KCNB2: variants seen among roughly 807,000 people sequenced by gnomAD.
The protein encoded by KCNB2 is potassium voltage-gated channel subfamily B member 2.
In KCNB2, 15 loss-of-function variants were observed where a neutral mutation model predicts 61.5. The ratio of observed to expected loss-of-function variants is 0.24; its 90% confidence interval spans 0.16 to 0.38. KCNB2 has a LOEUF of 0.38. Ranked by LOEUF, KCNB2 falls within the 10% of genes least tolerant of loss-of-function variation. The pLI is 1.00. For synonymous variants in KCNB2, 457 were observed against 446.0 expected, an observed-to-expected ratio of 1.02 and a Z score of -0.31; for missense variants, 828 against 1,125.2, an observed-to-expected ratio of 0.74 and a Z score of 3.78.
intron 2 of KCNB2, among the ~76,000 whole-genome samples, chr8:72,696,089 G>T (rs1204618556): frequency 6.6e-6 from 1 of 152,208 alleles, no homozygotes; most frequent in Non-Finnish European, 1.5e-5. Context: ...GTGTAACCTT[G>T]TCAGGAGACG....
chr8:72,910,130 A>G (rs750605515), intron 2 of KCNB2, among the ~76,000 whole-genome samples: 1 of 152,212 alleles, frequency 6.6e-6, no homozygotes. Context: ...TGTACACATT[A>G]CATTGCTAAG....
intron 2 of KCNB2, among the ~76,000 whole-genome samples, chr8:72,694,434 G>T (rs189956449): frequency 2.6e-5 from 4 of 152,224 alleles, no homozygotes; most frequent in Admixed American, 2.6e-4. Context: ...AGAGAAATCT[G>T]CCTTAATCGA....
At chr8:72,700,777 A>G (rs909264815) in intron 2 of KCNB2, among the ~76,000 whole-genome samples, 5 of 152,170 alleles carry the variant, frequency 3.3e-5, no homozygotes, top group Non-Finnish European at 5.9e-5. Flanking sequence ...AAGAAGACAC[A>G]TGTACTCACA....
intron 1 of KCNB2, among the ~76,000 whole-genome samples, chr8:72,561,723 A>ATATC (rs1806522823): frequency 3.1e-5 from 1 of 31,774 alleles, no homozygotes; most frequent in South Asian, 7.7e-4. Context: ...ATATATATAT[A>ATATC]TATATCTATA....
chr8:72,553,074 A>G (rs1806370335), intron 1 of KCNB2, among the ~76,000 whole-genome samples: 2 of 152,184 alleles, frequency 1.3e-5, no homozygotes, highest in Non-Finnish European at 2.9e-5. Context: ...AAAAATTTAA[A>G]AAAAACACAC....
At position 72,938,031 on chromosome 8, in the gene KCNB2, A is replaced by T. The variant is rs1454555672; in HGVS notation, c.2676A>T (p.Pro892=). The part of the protein sequence containing the change: ...GCKMENHLFA[P]EIHSNPGDTG... Reference sequence around the variant, plus strand: ...AGATGGAAAATCACTTGTTTGCCCCAGAAATTCATTCCAACCCAGGAGACA... The same window carrying T: ...AGATGGAAAATCACTTGTTTGCCCCTGAAATTCATTCCAACCCAGGAGACA... Residue 892 remains proline (P), a synonymous_variant, in exon 3 of 3, where the codon CCA becomes CCT. Transcript: ENST00000523207. The T allele has an allele frequency of 3.7e-6, 6 of 1,614,018 alleles. No individual in the cohort carries two copies.
chr8:72,540,527 T>TA (rs983286081), intron 1 of KCNB2, among the ~76,000 whole-genome samples: 3 of 152,132 alleles, frequency 2.0e-5, no homozygotes, highest in African/African-American at 7.2e-5. Flanking sequence ...TTGTTTTTTT[T>TA]AAGGCTAGAG....
intron 2 of KCNB2, among the ~76,000 whole-genome samples, chr8:72,718,044 C>G (rs1293241828): frequency 2.0e-5 from 3 of 151,952 alleles, no homozygotes; most frequent in African/African-American, 4.8e-5. Context: ...ATTTATGCAG[C>G]CAAAAAACAC....
intron 2 of KCNB2, among the ~76,000 whole-genome samples, chr8:72,687,644 G>A (rs1341855354): frequency 1.3e-5 from 2 of 152,144 alleles, no homozygotes; most frequent in Non-Finnish European, 2.9e-5. Flanking sequence ...GTTTCAAATA[G>A]TTAAAGAATT....
chr8:72,861,447 A>G (rs967817746), intron 2 of KCNB2, among the ~76,000 whole-genome samples: 1 of 152,174 alleles, frequency 6.6e-6, no homozygotes, highest in Non-Finnish European at 1.5e-5. Flanking sequence ...GCTGGTCTTG[A>G]GAGATAAAAG....
At chr8:72,782,861 T>C (rs1226332840) in intron 2 of KCNB2, among the ~76,000 whole-genome samples, 1 of 152,212 alleles carries the variant, frequency 6.6e-6, no homozygotes, top group African/African-American at 2.4e-5. Flanking sequence ...TTTTTTCTTT[T>C]TCTTTTTCTG....
chr8:72,760,453 AT>A (rs1808358835), intron 2 of KCNB2, among the ~76,000 whole-genome samples: 1 of 152,022 alleles, frequency 6.6e-6, no homozygotes, highest in South Asian at 2.1e-4. Flanking sequence ...CAGGTAAAAC[AT>A]TTTCTTGCCC....
At chr8:72,935,201 G>A (rs1378777265) in intron 2 of KCNB2, among the ~76,000 whole-genome samples, 1 of 152,136 alleles carries the variant, frequency 6.6e-6, no homozygotes, top group Admixed American at 6.5e-5. Flanking sequence ...TTCATTCTAA[G>A]CTGTTCCTCT....
At chr8:72,780,003 T>C (rs995661481) in intron 2 of KCNB2, among the ~76,000 whole-genome samples, 1 of 152,148 alleles carries the variant, frequency 6.6e-6, no homozygotes. Context: ...TTATTCTGGG[T>C]GGTTGCTCCC....
chr8:72,936,737 G>A lies in KCNB2; in HGVS notation c.1382G>A (p.Ser461Asn), dbSNP rs1311885058. ...AACTTAAAAGATGCCTTCGCTCGAA[G>A]TATGGAACTGATAGATGTGGCTGTT... ...SMNLKDAFAR[S>N]MELIDVAVEK... The change falls in exon 3 of 3, where the codon AGT (serine) becomes AAT (asparagine). Residue 461 changes from serine to asparagine, a missense_variant. Coordinates refer to ENST00000523207, the MANE Select transcript of KCNB2 (RefSeq NM_004770.3). The surrounding 1 kb of genome is among the most constrained non-coding windows in gnomAD (Gnocchi z 5.6). 32 of 1,614,108 alleles carry A rather than the reference G, an allele frequency of 2.0e-5. No homozygotes were observed. The highest frequency in any genetic ancestry group is 2.5e-5 in the Non-Finnish European group (29 of 1,180,040).
chr8:72,813,581 C>A (rs1809341828), intron 2 of KCNB2, among the ~76,000 whole-genome samples: 1 of 152,104 alleles, frequency 6.6e-6, no homozygotes, highest in Admixed American at 6.6e-5. Context: ...CTGAGTCTAC[C>A]CAGGATGCAA....
Position 72,778,064 on chromosome 8 carries a change from A to G in KCNB2, c.580-157871A>G, listed in dbSNP as rs535380103. On this transcript the variant is annotated intron_variant, in intron 2 of 2. Coordinates refer to ENST00000523207, the MANE Select transcript of KCNB2 (RefSeq NM_004770.3). ...TGTTTCCATGTTTTGTTATAAACTAATGTTAGACTAAAAATGAATTGTCTA... is the reference window on the plus strand; with the variant it reads ...TGTTTCCATGTTTTGTTATAAACTAGTGTTAGACTAAAAATGAATTGTCTA... Among the ~76,000 whole-genome samples the G allele has an allele frequency of 2.6e-5, 4 of 152,304 alleles. No individual in the cohort carries two copies. The East Asian group carries it at 7.7e-4, about 29-fold the overall frequency.
At chr8:72,557,003 G>A (rs1379146876) in intron 1 of KCNB2, among the ~76,000 whole-genome samples, 1 of 152,118 alleles carries the variant, frequency 6.6e-6, no homozygotes, top group Admixed American at 6.6e-5. Flanking sequence ...ACAGGCAGCT[G>A]TCTGGGGCCT....
chr8:72,669,080 G>C (rs1806522480), intron 2 of KCNB2, among the ~76,000 whole-genome samples: 1 of 152,120 alleles, frequency 6.6e-6, no homozygotes, highest in Non-Finnish European at 1.5e-5. Context: ...TGACCTGGCT[G>C]GTCAGGAAAT....
Sources: gnomAD v4.1 joint callset for allele counts (sites outside exome capture counted in the v4.1 genomes callset) on GRCh38, gnomAD v4.1.1 for gene constraint, Gnocchi (gnomAD v3.1) non-coding constraint, MANE v1.5 for transcripts, NCBI Gene and HGNC (gene_info 2026-07-23, HGNC 2026-07-21) for gene names.